The following MIA2 variants were observed in gnomAD, a reference collection of about 807,000 sequenced individuals.
MIA2 encodes the protein MIA SH3 domain ER export factor 2, also known as melanoma inhibitory activity protein 2.
Under a neutral mutation model 167.8 loss-of-function variants are expected in MIA2, and 127 were observed. That is an observed-to-expected ratio of 0.76 (90% CI 0.66 to 0.88). The LOEUF is 0.88. Ranked by LOEUF, MIA2 falls within the 40% of genes least tolerant of loss-of-function variation. MIA2 has a pLI of 0.00. For missense variants in MIA2, 1,690 were observed against 1,624.7 expected (o/e 1.04, Z -0.69); for synonymous variants, 552 against 541.9 (o/e 1.02, Z -0.26).
intron 10 of MIA2, 31 bp downstream of exon 10, chr14:39,291,127 C>T: frequency 6.5e-7 from 1 of 1,549,588 alleles, no homozygotes; most frequent in Non-Finnish European, 8.7e-7. Context: ...ATTTTAAAAG[C>T]TGGGGAAAAA....
At chr14:39,372,973 C>A (rs886726077) in intron 23 of MIA2, among the ~76,000 whole-genome samples, 1 of 152,014 alleles carries the variant, frequency 6.6e-6, no homozygotes, top group Non-Finnish European at 1.5e-5. Context: ...TTCAAATGTT[C>A]AAGGGGATTG....
chr14:39,267,186 C>A, intron 6 of MIA2: 1 of 1,225,172 alleles, frequency 8.2e-7, no homozygotes, highest in Non-Finnish European at 1.0e-6. Flanking sequence ...GTGGCGAGGA[C>A]AGGGTACGTC....
At chr14:39,285,274 C>T (rs1167195112) in intron 9 of MIA2, among the ~76,000 whole-genome samples, 1 of 152,130 alleles carries the variant, frequency 6.6e-6, no homozygotes, top group Non-Finnish European at 1.5e-5. Context: ...GGTACACCTC[C>T]CAGACGGGGT....
At chr14:39,267,372 C>G (rs997998834) in intron 6 of MIA2, 2 of 1,593,698 alleles carry the variant, frequency 1.3e-6, no homozygotes, top group Non-Finnish European at 1.7e-6. Flanking sequence ...ATTCGGGTTC[C>G]GGACCGAAGG....
intron 25 of MIA2, among the ~76,000 whole-genome samples, chr14:39,327,804 C>G (rs914927272): frequency 6.6e-6 from 1 of 152,098 alleles, no homozygotes; most frequent in Non-Finnish European, 1.5e-5. Flanking sequence ...TGAACTCATT[C>G]TTTTTTATGG....
chr14:39,293,807 G>A lies in MIA2; in HGVS notation c.2320-193G>A, dbSNP rs1173712624. ...AACTTAAATGTTATGAAATATTAAA[G>A]TTATGAGATACTATTGTTACGTAAT... On this transcript the variant is annotated intron_variant, in intron 11 of 28. Transcript: ENST00000640607. Among the ~76,000 whole-genome samples, 2 of 152,114 alleles carry A rather than the reference G, an allele frequency of 1.3e-5. 1 individual carries two copies. Among genetic ancestry groups the A allele is most frequent in the African/African-American group, 4.8e-5 (2 of 41,428 alleles).
chr14:39,295,172 A>G, intron 13 of MIA2, 143 bp downstream of exon 13: 1 of 662,488 alleles, frequency 1.5e-6, no homozygotes, highest in Non-Finnish European at 2.7e-6. Flanking sequence ...TACATATTTC[A>G]GTGTCTGTCT....
At chr14:39,287,553 TTTTATTA>T (rs2059993491) in intron 9 of MIA2, among the ~76,000 whole-genome samples, 1 of 151,638 alleles carries the variant, frequency 6.6e-6, no homozygotes, top group Non-Finnish European at 1.5e-5. Context: ...ATTTTAAAAA[TTTTATTA>T]TTTATTATTT....
intron 23 of MIA2, among the ~76,000 whole-genome samples, chr14:39,378,244 A>G (rs766100215): frequency 7.9e-5 from 12 of 152,208 alleles, no homozygotes; most frequent in Non-Finnish European, 1.5e-4. Flanking sequence ...ACTTTGAAAA[A>G]CAAAAAGAAT....
At chr14:39,295,216 G>C (rs947700371) in intron 13 of MIA2, among the ~76,000 whole-genome samples, 187 bp downstream of exon 13, 1 of 152,038 alleles carries the variant, frequency 6.6e-6, no homozygotes, top group Admixed American at 6.5e-5. Context: ...TATACTTTTG[G>C]CACCCTCTAC....
At chr14:39,272,436 G>A (rs951997971) in intron 6 of MIA2, among the ~76,000 whole-genome samples, 3 of 152,142 alleles carry the variant, frequency 2.0e-5, no homozygotes, top group Non-Finnish European at 2.9e-5. Context: ...AGGAAAGTGG[G>A]CCAAACAAGA....
At chr14:39,362,221 T>A (rs2074697607) in intron 23 of MIA2, among the ~76,000 whole-genome samples, 1 of 152,170 alleles carries the variant, frequency 6.6e-6, no homozygotes, top group Non-Finnish European at 1.5e-5. Context: ...TTAGGGAAAA[T>A]TTCCTCCTCT....
chr14:39,362,915 T>C (rs1203226269), intron 23 of MIA2, among the ~76,000 whole-genome samples: 1 of 152,222 alleles, frequency 6.6e-6, no homozygotes, highest in Non-Finnish European at 1.5e-5. Context: ...TTTATTTCCT[T>C]CTTAATTTCT....
chr14:39,373,142 T>C (rs1035900861), intron 23 of MIA2, among the ~76,000 whole-genome samples: 1 of 152,188 alleles, frequency 6.6e-6, no homozygotes, highest in South Asian at 2.1e-4. Context: ...CGTACATTTA[T>C]TGTGTTTCAA....
At chr14:39,353,576 G>GT (rs962840171), downstream of MIA2, among the ~76,000 whole-genome samples, 15 of 151,894 alleles carry the variant, frequency 9.9e-5, no homozygotes, top group South Asian at 2.1e-4. Flanking sequence ...CACATTTTCT[G>GT]TTTTTTTATT....
intron 17 of MIA2, among the ~76,000 whole-genome samples, chr14:39,307,160 T>G (rs2063469266): frequency 6.6e-6 from 1 of 152,028 alleles, no homozygotes; most frequent in East Asian, 1.9e-4. Flanking sequence ...AGGTAGAATT[T>G]AAGTATTATT....
intron 25 of MIA2, among the ~76,000 whole-genome samples, chr14:39,331,029 G>C (rs145536464): frequency 3.3e-5 from 5 of 152,100 alleles, no homozygotes; most frequent in Admixed American, 6.6e-5. Flanking sequence ...TTTCTGTCTC[G>C]TTGATCTGTC....
chr14:39,306,444 C>A (rs184744775), intron 17 of MIA2, among the ~76,000 whole-genome samples: 1 of 152,116 alleles, frequency 6.6e-6, no homozygotes, highest in Admixed American at 6.5e-5. Flanking sequence ...GGAGGTGTTA[C>A]ACACTTTAAA....
In MIA2 at chr14:39,314,889, A is replaced by G. The variant is rs2065103791; in HGVS notation, c.3180+90A>G. The G allele has an allele frequency of 5.8e-6, 6 of 1,032,034 alleles. No homozygotes were observed. The East Asian group carries it at 1.7e-4, about 30-fold the overall frequency. The allele number at this position is 1,032,034 out of a possible 1,614,324, so 63.9% of individuals were successfully genotyped here. On this transcript the variant is annotated intron_variant, in intron 20 of 28. Transcript: ENST00000640607. The stretch of plus-strand genomic sequence containing the variant: ...GATTTCTTTGAATTGATGCAGGAAT[A>G]TAATTACTTGACCAGTTGTATACCT...
Sources: gnomAD v4.1 joint callset for allele counts (sites outside exome capture counted in the v4.1 genomes callset) on GRCh38, gnomAD v4.1.1 for gene constraint, MANE v1.5 for transcripts, NCBI Gene and HGNC (gene_info 2026-07-23, HGNC 2026-07-21) for gene names.